Variants in MDGA2 observed in about 807,000 individuals in gnomAD.
MDGA2 encodes the protein MAM domain containing glycosylphosphatidylinositol anchor 2.
A neutral mutation model predicts 117.8 loss-of-function variants in MDGA2; 40 were observed. The observed-to-expected ratio is 0.34, with a 90% CI of 0.26 to 0.44. MDGA2 has a LOEUF of 0.44. Among genes scored for constraint, MDGA2 ranks in the 20% least tolerant of loss-of-function variants. The pLI is 1.00. For missense variants in MDGA2, 1,123 were observed against 1,250.6 expected, an observed-to-expected ratio of 0.90 and a Z score of 1.54; for synonymous variants, 452 against 439.0, an observed-to-expected ratio of 1.03 and a Z score of -0.37.
At chr14:47,074,342 C>G (rs1018123403) in intron 6 of MDGA2, among the ~76,000 whole-genome samples, 5 of 151,792 alleles carry the variant, frequency 3.3e-5, no homozygotes, top group African/African-American at 1.2e-4. Flanking sequence ...GCTCTGTCAC[C>G]CAGGCTGGAG....
chr14:47,665,030 T>C (rs1322009360), intron 1 of MDGA2, among the ~76,000 whole-genome samples: 3 of 152,188 alleles, frequency 2.0e-5, no homozygotes, highest in Non-Finnish European at 4.4e-5. Context: ...AGATACATCT[T>C]TCTAGTTGGG....
chr14:47,571,845 G>C (rs930464089), intron 1 of MDGA2, among the ~76,000 whole-genome samples: 1 of 151,996 alleles, frequency 6.6e-6, no homozygotes, highest in African/African-American at 2.4e-5. Flanking sequence ...ACCAGGGCAC[G>C]TGTATACCTA....
At chr14:46,865,012 TC>T (rs1433875190) in intron 14 of MDGA2, among the ~76,000 whole-genome samples, 1 of 151,900 alleles carries the variant, frequency 6.6e-6, no homozygotes, top group Non-Finnish European at 1.5e-5. Context: ...GGCGTTTAAC[TC>T]CAAGGGAAAA....
intron 10 of MDGA2, among the ~76,000 whole-genome samples, chr14:46,907,384 G>C (rs2138468949): frequency 6.6e-6 from 1 of 152,162 alleles, no homozygotes; most frequent in South Asian, 2.1e-4. Context: ...AATACCTGCT[G>C]ATCTAATTTG....
At chr14:47,457,850 T>C (rs1043710050) in intron 1 of MDGA2, among the ~76,000 whole-genome samples, 1 of 151,844 alleles carries the variant, frequency 6.6e-6, no homozygotes, top group African/African-American at 2.4e-5. Flanking sequence ...TGTTTAACTT[T>C]TATTATTTTT....
chr14:47,358,869 T>C (rs1243147414), intron 1 of MDGA2, among the ~76,000 whole-genome samples: 2 of 152,188 alleles, frequency 1.3e-5, no homozygotes, highest in African/African-American at 4.8e-5. Context: ...ACTAATATTG[T>C]TAAAATGTCC....
intron 2 of MDGA2, among the ~76,000 whole-genome samples, chr14:47,230,991 A>G (rs1459260103): frequency 6.6e-6 from 1 of 152,016 alleles, no homozygotes; most frequent in Non-Finnish European, 1.5e-5. Flanking sequence ...TAAAGCTTAA[A>G]AAGATAAGAA....
chr14:47,427,853 C>T (rs1205567889), intron 1 of MDGA2, among the ~76,000 whole-genome samples: 3 of 152,036 alleles, frequency 2.0e-5, no homozygotes, highest in Non-Finnish European at 2.9e-5. Context: ...AGATGTGTTT[C>T]TCATTATTAA....
chr14:46,922,371 T>C (rs1016009569), intron 9 of MDGA2, among the ~76,000 whole-genome samples: 1 of 152,150 alleles, frequency 6.6e-6, no homozygotes, highest in Non-Finnish European at 1.5e-5. Flanking sequence ...AAGATGGTCA[T>C]TTAAATTAAC....
At position 46,842,857 on chromosome 14, in the gene MDGA2, A is replaced by G. The variant is rs982778418; in HGVS notation, c.2990-838T>C. Among the ~76,000 whole-genome samples the G allele has an allele frequency of 1.6e-4, 24 of 152,364 alleles. No homozygotes were observed. In the East Asian group the frequency reaches 4.4e-3, roughly 28 times the overall value. On this transcript the variant is annotated intron_variant, in intron 16 of 16. Transcript: ENST00000399232. ...GAAAGAACTGGCAGCCTGAGGAATC[A>G]GGAAGAGGCTTTCAGCCTTCAGGCT...
chr14:47,321,025 G>T (rs1889964351), intron 1 of MDGA2, among the ~76,000 whole-genome samples: 2 of 152,176 alleles, frequency 1.3e-5, no homozygotes, highest in Admixed American at 6.5e-5. Context: ...GTATATTATG[G>T]CAAGGATATG....
intron 1 of MDGA2, among the ~76,000 whole-genome samples, chr14:47,671,017 T>C (rs1270409695): frequency 6.6e-6 from 1 of 152,128 alleles, no homozygotes; most frequent in Non-Finnish European, 1.5e-5. Context: ...CTTGCAATTT[T>C]TCCTTCAGAA....
chr14:47,664,390 G>A (rs1897904363), intron 1 of MDGA2, among the ~76,000 whole-genome samples: 1 of 152,104 alleles, frequency 6.6e-6, no homozygotes, highest in Admixed American at 6.5e-5. Context: ...TCTAAGTGTA[G>A]ATTTTTAAGA....
At chr14:46,901,298 C>T (rs1413374684) in intron 10 of MDGA2, among the ~76,000 whole-genome samples, 5 of 151,646 alleles carry the variant, frequency 3.3e-5, no homozygotes, top group Non-Finnish European at 1.5e-5. Context: ...CAAACCTGCA[C>T]GTTGTGCACA....
intron 1 of MDGA2, among the ~76,000 whole-genome samples, chr14:47,347,063 C>T (rs1890777171): frequency 6.6e-6 from 1 of 152,106 alleles, no homozygotes; most frequent in Non-Finnish European, 1.5e-5. Context: ...TCTTGCATGG[C>T]TGCTTCTAAA....
chr14:47,395,057 A>G (rs1891978196), intron 1 of MDGA2, among the ~76,000 whole-genome samples: 1 of 152,140 alleles, frequency 6.6e-6, no homozygotes, highest in Admixed American at 6.6e-5. Context: ...CAGGAGGCTG[A>G]GGCAGGAGGA....
At chr14:47,528,071 C>T (rs960610237) in intron 1 of MDGA2, among the ~76,000 whole-genome samples, 8 of 152,182 alleles carry the variant, frequency 5.3e-5, no homozygotes, top group African/African-American at 1.7e-4. Flanking sequence ...TTACCCTTGA[C>T]CTTTTTTGTA....
chr14:47,517,919 CTTCT>C (rs1444877985), intron 1 of MDGA2, among the ~76,000 whole-genome samples: 1 of 152,020 alleles, frequency 6.6e-6, no homozygotes, highest in Non-Finnish European at 1.5e-5. Context: ...CTTTGTAATT[CTTCT>C]TTCTTTTAAA....
chr14:47,522,353 A>ATGTACATATG (rs1894887246), intron 1 of MDGA2, among the ~76,000 whole-genome samples: 2 of 147,146 alleles, frequency 1.4e-5, no homozygotes, highest in Admixed American at 6.8e-5. Context: ...ATGTATATAT[A>ATGTACATATG]TGTATATATG....
Sources: gnomAD v4.1 joint callset for allele counts (sites outside exome capture counted in the v4.1 genomes callset) on GRCh38, gnomAD v4.1.1 for gene constraint, MANE v1.5 for transcripts, NCBI Gene and HGNC (gene_info 2026-07-23, HGNC 2026-07-21) for gene names.